The following GRK5 variants were observed in gnomAD, a reference collection of about 807,000 sequenced individuals.
GRK5 encodes the protein g protein-coupled receptor kinase GRK5.
GRK5 carries 40 observed loss-of-function variants against 78.4 expected under a neutral mutation model. The observed-to-expected ratio is 0.51, with a 90% confidence interval of 0.40 to 0.66. The LOEUF is 0.66. Among genes scored for constraint, GRK5 ranks in the 30% least tolerant of loss-of-function variants. The pLI, the probability that GRK5 is intolerant of heterozygous loss-of-function variation, is 0.00. For synonymous variants in GRK5, 289 were observed against 296.8 expected (o/e 0.97, Z 0.27); for missense variants, 598 against 759.9 (o/e 0.79, Z 2.50).
chr10:119,290,403 C>T (rs894220169), intron 1 of GRK5, among the ~76,000 whole-genome samples: 1 of 151,418 alleles, frequency 6.6e-6, no homozygotes, highest in African/African-American at 2.4e-5. Flanking sequence ...TGGCCGTCAC[C>T]TCTAACCTCT....
chr10:119,404,950 C>T (rs901561857), intron 4 of GRK5, among the ~76,000 whole-genome samples: 2 of 152,218 alleles, frequency 1.3e-5, no homozygotes, highest in Non-Finnish European at 2.9e-5. Flanking sequence ...AATGGGGAAG[C>T]GCCTGCGTGA....
chr10:119,230,593 A>G (rs945870313), intron 1 of GRK5, among the ~76,000 whole-genome samples: 3 of 151,912 alleles, frequency 2.0e-5, no homozygotes, highest in Non-Finnish European at 4.4e-5. Flanking sequence ...GTTACCTCCC[A>G]CTGGGTCCCT....
Position 119,207,983 on chromosome 10 carries a change from C to T in GRK5, c.52+14C>T. The T allele has an allele frequency of 6.2e-7, 1 of 1,601,052 alleles. No homozygotes were observed. The highest frequency in any genetic ancestry group is 1.1e-5 in the South Asian group (1 of 89,578). On this transcript the variant is annotated intron_variant, in intron 1 of 15. Transcript: ENST00000392870. The stretch of plus-strand genomic sequence containing the variant: ...AAGCCAGGGAAGGTAAGAGGCAGGG[C>T]CGGTACGTGCCCGGCGCGTCCGCCG...
At chr10:119,405,924 T>A (rs1344931504) in intron 4 of GRK5, among the ~76,000 whole-genome samples, 3 of 152,242 alleles carry the variant, frequency 2.0e-5, no homozygotes, top group Admixed American at 6.5e-5. Context: ...ACCAGGAACA[T>A]GCCTGGAGAA....
At chr10:119,367,158 C>T (rs773761314) in intron 2 of GRK5, among the ~76,000 whole-genome samples, 5 of 152,194 alleles carry the variant, frequency 3.3e-5, no homozygotes, top group Non-Finnish European at 5.9e-5. Flanking sequence ...TGAACCAAAG[C>T]TCATGTCTTT....
chr10:119,270,160 A>C (rs1849562939), intron 1 of GRK5, among the ~76,000 whole-genome samples: 1 of 152,218 alleles, frequency 6.6e-6, no homozygotes, highest in East Asian at 1.9e-4. Flanking sequence ...GCTCCTTTGC[A>C]GCCCACTGCC....
At chr10:119,376,561 C>CTTTT (rs3064490) in intron 2 of GRK5, among the ~76,000 whole-genome samples, 9 of 104,322 alleles carry the variant, frequency 8.6e-5, no homozygotes, top group East Asian at 5.7e-4. Flanking sequence ...TCCCTAATGC[C>CTTTT]TTTTTTTTTT....
intron 2 of GRK5, among the ~76,000 whole-genome samples, chr10:119,341,159 C>G (rs558028364): frequency 2.5e-4 from 38 of 152,312 alleles, no homozygotes; most frequent in Non-Finnish European, 4.7e-4. Context: ...CCACTTGATC[C>G]TTGTCCCTGC....
chr10:119,447,191 T>C (rs1223301305), intron 12 of GRK5, among the ~76,000 whole-genome samples: 1 of 152,140 alleles, frequency 6.6e-6, no homozygotes, highest in Admixed American at 6.5e-5. Context: ...CCTCATCCCG[T>C]CTCACCTGGG....
chr10:119,371,213 C>T (rs1191401686), intron 2 of GRK5, among the ~76,000 whole-genome samples: 2 of 152,160 alleles, frequency 1.3e-5, no homozygotes, highest in East Asian at 3.9e-4. Flanking sequence ...GCAGCTTCTC[C>T]CCGCTCCCCG....
chr10:119,341,471 A>C (rs1850979583), intron 2 of GRK5, among the ~76,000 whole-genome samples: 1 of 152,064 alleles, frequency 6.6e-6, no homozygotes, highest in African/African-American at 2.4e-5. Context: ...TGCTGGATAC[A>C]CTTCCCTAAC....
At chr10:119,381,807 A>G (rs1851713898) in intron 3 of GRK5, among the ~76,000 whole-genome samples, 1 of 152,112 alleles carries the variant, frequency 6.6e-6, no homozygotes, top group Non-Finnish European at 1.5e-5. Flanking sequence ...AAGGGCCCTC[A>G]TGCCACCATT....
rs933317178 is a variant in GRK5, at chr10:119,238,336, C to T, written c.52+30367C>T. 1.3e-5 allele frequency among the ~76,000 whole-genome samples: 2 copies of T among 151,994 alleles called. No individual in the cohort carries two copies. Among genetic ancestry groups the T allele is most frequent in the Non-Finnish European group, 2.9e-5 (2 of 68,000 alleles). Reference sequence around the variant, plus strand: ...TGGACTGGCTCATCCAGGGAGGTGGCGCGATTTCCTCTGGAGGTTTAAAAT... The same window carrying T: ...TGGACTGGCTCATCCAGGGAGGTGGTGCGATTTCCTCTGGAGGTTTAAAAT... On this transcript the variant is annotated intron_variant, in intron 1 of 15. Coordinates refer to ENST00000392870, the MANE Select transcript of GRK5 (RefSeq NM_005308.3). The surrounding 1 kb of genome is among the most constrained non-coding windows in gnomAD (Gnocchi z 4.7).
At chr10:119,343,833 C>T (rs1171896505) in intron 2 of GRK5, among the ~76,000 whole-genome samples, 1 of 152,176 alleles carries the variant, frequency 6.6e-6, no homozygotes, top group East Asian at 1.9e-4. Flanking sequence ...CAAAGGGAAG[C>T]CATGGACAGA....
chr10:119,221,900 A>G lies in GRK5; in HGVS notation c.52+13931A>G, dbSNP rs192698013. Reference sequence around the variant, plus strand: ...TGAGTCATCTTTTCTATGGTATTCAAAGTTTGAATTAGGGAAATTAAGGTT... The same window carrying G: ...TGAGTCATCTTTTCTATGGTATTCAGAGTTTGAATTAGGGAAATTAAGGTT... On this transcript the variant is annotated intron_variant, in intron 1 of 15. Coordinates refer to ENST00000392870, the MANE Select transcript of GRK5 (RefSeq NM_005308.3). Among the ~76,000 whole-genome samples, 7 of 152,288 alleles carry G rather than the reference A, an allele frequency of 4.6e-5. No homozygotes were observed. The East Asian group carries it at 1.4e-3, about 29-fold the overall frequency.
At chr10:119,308,623 C>G (rs1345688604) in intron 1 of GRK5, among the ~76,000 whole-genome samples, 2 of 152,204 alleles carry the variant, frequency 1.3e-5, no homozygotes, top group Non-Finnish European at 2.9e-5. Context: ...GCCGGTCAGC[C>G]CGCGTCTTCG....
At chr10:119,209,470 CTGTGTG>C (rs1197763850) in intron 1 of GRK5, among the ~76,000 whole-genome samples, 6 of 137,952 alleles carry the variant, frequency 4.3e-5, no homozygotes, top group African/African-American at 1.6e-4. Flanking sequence ...AAGGCCTGAG[CTGTGTG>C]TGTGTGTGTG....
intron 12 of GRK5, among the ~76,000 whole-genome samples, chr10:119,446,573 C>T (rs547494200): frequency 1.8e-3 from 274 of 152,092 alleles, no homozygotes; most frequent in African/African-American, 6.3e-3. Context: ...AACAGTGCAG[C>T]ACCTGGGCCC....
intron 1 of GRK5, among the ~76,000 whole-genome samples, chr10:119,287,337 A>G (rs897621094): frequency 0.027 from 29 of 1,078 alleles, no homozygotes; most frequent in Admixed American, 0.054. Flanking sequence ...AGGAAGGGAG[A>G]GAGGAGGAAG....
Sources: gnomAD v4.1 joint callset for allele counts (sites outside exome capture counted in the v4.1 genomes callset) on GRCh38, gnomAD v4.1.1 for gene constraint, Gnocchi (gnomAD v3.1) non-coding constraint, MANE v1.5 for transcripts, NCBI Gene and HGNC (gene_info 2026-07-23, HGNC 2026-07-21) for gene names.